NOVA1: variants seen among roughly 807,000 people sequenced by gnomAD.
The protein encoded by NOVA1 is RNA-binding protein Nova-1.
Under a neutral mutation model 38.0 loss-of-function variants are expected in NOVA1, and 7 were observed. The ratio of observed to expected loss-of-function variants is 0.18; its 90% CI spans 0.10 to 0.35. NOVA1 has a LOEUF of 0.35. Among genes scored for constraint, NOVA1 ranks in the 10% least tolerant of loss-of-function variants. The pLI, the probability that NOVA1 is intolerant of heterozygous loss-of-function variation, is 1.00. For missense variants in NOVA1, 460 were observed against 616.0 expected, an observed-to-expected ratio of 0.75 and a Z score of 2.68; for synonymous variants, 270 against 232.5, an observed-to-expected ratio of 1.16 and a Z score of -1.47.
intron 2 of NOVA1, among the ~76,000 whole-genome samples, chr14:26,554,032 C>A (rs1891325512): frequency 6.6e-6 from 1 of 151,444 alleles, no homozygotes; most frequent in Admixed American, 6.6e-5. Context: ...ACCTGTAATC[C>A]CAGCTGCTCA....
Position 26,597,464 on chromosome 14 carries a change from G to C in NOVA1, c.-28C>G. 1 of 1,281,618 alleles carries C rather than the reference G, an allele frequency of 7.8e-7. No individual in the cohort carries two copies. The highest frequency in any genetic ancestry group is 9.9e-7 in the Non-Finnish European group (1 of 1,006,814). 79.4% of individuals were successfully genotyped at this position (1,281,618 alleles called of 1,614,324 possible). ...TTGCAGTTCCTGCCGCTGCTACCGG[G>C]AGAAGGTTCTCCCTTTTGTTTTGGC... is the stretch of plus-strand genomic sequence containing the variant. On this transcript the variant is annotated 5_prime_UTR_variant, in exon 1 of 5. Transcript: ENST00000539517.
chr14:26,593,494 A>T (rs529715723), intron 2 of NOVA1: 1 of 151,986 alleles, frequency 6.6e-6, no homozygotes, highest in South Asian at 2.1e-4. Flanking sequence ...TTGATCCCAT[A>T]CTGTGTGATT....
chr14:26,501,601 T>C (rs1887246747), intron 2 of NOVA1, among the ~76,000 whole-genome samples: 3 of 151,954 alleles, frequency 2.0e-5, no homozygotes, highest in Non-Finnish European at 4.4e-5. Context: ...AATACATCTA[T>C]AAAGGTAATT....
chr14:26,588,369 A>G (rs1184667671), intron 2 of NOVA1: 1 of 151,402 alleles, frequency 6.6e-6, no homozygotes, highest in African/African-American at 2.4e-5. Flanking sequence ...ATGGACAAAA[A>G]TGTTTTATTT....
intron 2 of NOVA1, among the ~76,000 whole-genome samples, chr14:26,530,703 A>G (rs544212861): frequency 6.6e-6 from 1 of 152,266 alleles, no homozygotes; most frequent in African/African-American, 2.4e-5. Context: ...TTACTTATGT[A>G]TTAGAACCCA....
At chr14:26,553,897 A>G (rs929823144) in intron 2 of NOVA1, among the ~76,000 whole-genome samples, 5 of 152,072 alleles carry the variant, frequency 3.3e-5, no homozygotes, top group African/African-American at 1.2e-4. Context: ...CTGTAATCCC[A>G]GCACTTTGCA....
chr14:26,578,914 T>C (rs1327447758), intron 2 of NOVA1, among the ~76,000 whole-genome samples: 1 of 152,096 alleles, frequency 6.6e-6, no homozygotes, highest in Non-Finnish European at 1.5e-5. Flanking sequence ...TTCACTGTCA[T>C]CATCTCTACA....
At chr14:26,495,232 C>A (rs1425461676) in intron 2 of NOVA1, among the ~76,000 whole-genome samples, 4 of 152,144 alleles carry the variant, frequency 2.6e-5, no homozygotes, top group Non-Finnish European at 5.9e-5. Flanking sequence ...TCTTAACAGC[C>A]ATAAACAGCC....
intron 2 of NOVA1, among the ~76,000 whole-genome samples, chr14:26,546,704 T>C (rs1295926074): frequency 3.3e-5 from 5 of 152,186 alleles, no homozygotes; most frequent in Admixed American, 6.5e-5. Flanking sequence ...GTATTTATCA[T>C]TCATACATAA....
At chr14:26,459,307 A>C (rs1477223664) in intron 4 of NOVA1, among the ~76,000 whole-genome samples, 1 of 152,122 alleles carries the variant, frequency 6.6e-6, no homozygotes, top group Non-Finnish European at 1.5e-5. Flanking sequence ...AGATATACAA[A>C]TAGTTAACAT....
intron 4 of NOVA1, among the ~76,000 whole-genome samples, chr14:26,460,338 T>A (rs1883548319): frequency 6.6e-6 from 1 of 151,960 alleles, no homozygotes; most frequent in African/African-American, 2.4e-5. Context: ...CTGAAACACA[T>A]CTGCCATTTA....
At chr14:26,451,641 G>T (rs1170692428) in intron 4 of NOVA1, among the ~76,000 whole-genome samples, 1 of 152,004 alleles carries the variant, frequency 6.6e-6, no homozygotes, top group Non-Finnish European at 1.5e-5. Context: ...CCAAAATGCT[G>T]GGATTACAAC....
intron 2 of NOVA1, among the ~76,000 whole-genome samples, chr14:26,585,464 A>G (rs115759814): frequency 0.011 from 1,616 of 151,326 alleles, 27 homozygotes; most frequent in African/African-American, 0.037. Context: ...ATAGTTGGGG[A>G]AGAAGATATT....
chr14:26,550,334 T>A (rs1381434450), intron 2 of NOVA1, among the ~76,000 whole-genome samples: 1 of 152,190 alleles, frequency 6.6e-6, no homozygotes, highest in East Asian at 1.9e-4. Context: ...AAATTCCGAA[T>A]TACTTTATAT....
At chr14:26,575,002 A>C (rs1220506593) in intron 2 of NOVA1, among the ~76,000 whole-genome samples, 1 of 152,114 alleles carries the variant, frequency 6.6e-6, no homozygotes, top group Non-Finnish European at 1.5e-5. Context: ...ATATTGTGGG[A>C]TATCTTCTAG....
intron 2 of NOVA1, among the ~76,000 whole-genome samples, chr14:26,520,106 T>C (rs1429272067): frequency 6.6e-6 from 1 of 152,262 alleles, no homozygotes; most frequent in Non-Finnish European, 1.5e-5. Flanking sequence ...GTTGATACAT[T>C]AACATTTAAC....
chr14:26,443,680 T>C lies in NOVA1; in HGVS notation c.*4279A>G, dbSNP rs1881859436. 6.6e-6 allele frequency: 1 copy of C among 152,110 alleles called. No individual in the cohort carries two copies. Among genetic ancestry groups the C allele is most frequent in the African/African-American group, 2.4e-5 (1 of 41,364 alleles). 9.4% of individuals were successfully genotyped at this position (152,110 alleles called of 1,614,324 possible). ...GTAAAAAGACATCTATGAACAACAG[T>C]GCATAACAATATTATGTATTCATGT... On this transcript the variant is annotated 3_prime_UTR_variant, in exon 5 of 5. Coordinates refer to ENST00000539517, the MANE Select transcript of NOVA1 (RefSeq NM_002515.3).
intron 4 of NOVA1, among the ~76,000 whole-genome samples, chr14:26,454,679 T>C (rs1463091599): frequency 1.3e-5 from 2 of 152,232 alleles, no homozygotes; most frequent in Non-Finnish European, 2.9e-5. Flanking sequence ...AAAATATTTT[T>C]ACATTCTTTT....
At chr14:26,495,378 A>G (rs1332640996) in intron 2 of NOVA1, among the ~76,000 whole-genome samples, 3 of 152,172 alleles carry the variant, frequency 2.0e-5, no homozygotes, top group Non-Finnish European at 2.9e-5. Flanking sequence ...AGGAACTTGG[A>G]CTGTTTTGTT....
Sources: gnomAD v4.1 joint callset for allele counts (sites outside exome capture counted in the v4.1 genomes callset) on GRCh38, gnomAD v4.1.1 for gene constraint, MANE v1.5 for transcripts, NCBI Gene and HGNC (gene_info 2026-07-23, HGNC 2026-07-21) for gene names.